Variants in SPAG16 observed in about 807,000 individuals in gnomAD.
SPAG16 encodes the protein sperm associated antigen 16.
Under a neutral mutation model 80.4 loss-of-function variants are expected in SPAG16, and 86 were observed. The observed-to-expected ratio is 1.07, with a 90% CI of 0.90 to 1.28. The LOEUF (loss-of-function observed/expected upper bound fraction) is 1.28. Among genes scored for constraint, SPAG16 ranks in the 50% most tolerant of loss-of-function variants. The probability of loss-of-function intolerance (pLI) is 0.00; values close to 1 mark genes in which losing one functional copy is unlikely to be tolerated. For synonymous variants in SPAG16, 294 were observed against 265.9 expected (o/e 1.11, Z -1.03); for missense variants, 870 against 765.3 (o/e 1.14, Z -1.61).
At chr2:213,486,148 C>T (rs567482542) in intron 9 of SPAG16, among the ~76,000 whole-genome samples, 52 of 152,182 alleles carry the variant, frequency 3.4e-4, no homozygotes, top group Non-Finnish European at 5.7e-4. Flanking sequence ...CCCTACTGAT[C>T]TACAGAACAC....
At chr2:213,949,168 A>AGTTTTTTTTTTTTTTTTTTTTTTT (rs2079599292) in intron 12 of SPAG16, among the ~76,000 whole-genome samples, 1 of 75,196 alleles carries the variant, frequency 1.3e-5, no homozygotes, top group Admixed American at 2.0e-4. Flanking sequence ...TAATTACAAC[A>AGTTTTTTTTTTTTTTTTTTTTTTT]GTTTTTTTTT....
chr2:213,582,641 A>G (rs1339722907), intron 10 of SPAG16, among the ~76,000 whole-genome samples: 1 of 152,142 alleles, frequency 6.6e-6, no homozygotes, highest in Non-Finnish European at 1.5e-5. Flanking sequence ...TGTGCGTAGG[A>G]TGGCATGTTG....
At chr2:213,746,541 C>G (rs909823084) in intron 10 of SPAG16, among the ~76,000 whole-genome samples, 1 of 152,324 alleles carries the variant, frequency 6.6e-6, no homozygotes, top group South Asian at 2.1e-4. Context: ...TGCGGTGGCT[C>G]ATGCCTGTAA....
In SPAG16 at chr2:213,869,253, C is replaced by CAAAAAAAAAAAAAAAAA. The variant is rs1329869756; in HGVS notation, c.1214+6637_1214+6638insAAAAAAAAAAAAAAAAA. 4.8e-5 allele frequency among the ~76,000 whole-genome samples: 4 copies of CAAAAAAAAAAAAAAAAA among 82,808 alleles called. 1 individual carries two copies. The highest frequency in any genetic ancestry group is 7.4e-5 in the Non-Finnish European group (3 of 40,364). 54.3% of individuals were successfully genotyped at this position (82,808 alleles called of 152,430 possible). Reference sequence around the variant, plus strand: ...GGGCAACAAGAGCTAAAGTCCATGTCAAAAAAAAAAAATATATATATATAT... The same window carrying CAAAAAAAAAAAAAAAAA: ...GGGCAACAAGAGCTAAAGTCCATGTCAAAAAAAAAAAAAAAAAAAAAAAAAAAAATATATATATATAT... On this transcript the variant is annotated intron_variant, in intron 11 of 15. Coordinates refer to ENST00000331683, the MANE Select transcript of SPAG16 (RefSeq NM_024532.5).
intron 10 of SPAG16, among the ~76,000 whole-genome samples, chr2:213,491,204 G>GTT (rs1308453026): frequency 2.6e-5 from 4 of 152,202 alleles, no homozygotes; most frequent in African/African-American, 9.6e-5. Context: ...CTATTTCAAT[G>GTT]TAAAACAAGT....
At chr2:213,410,464 C>G (rs2068901435) in intron 9 of SPAG16, among the ~76,000 whole-genome samples, 1 of 152,140 alleles carries the variant, frequency 6.6e-6, no homozygotes, top group South Asian at 2.1e-4. Flanking sequence ...AAATGTCAAC[C>G]AGGAGTCTTG....
At chr2:213,864,997 A>T (rs1469269553) in intron 11 of SPAG16, among the ~76,000 whole-genome samples, 1 of 152,222 alleles carries the variant, frequency 6.6e-6, no homozygotes, top group East Asian at 1.9e-4. Context: ...TATATAAAAC[A>T]AAAAATCTCG....
intron 12 of SPAG16, among the ~76,000 whole-genome samples, chr2:214,009,684 T>C (rs2047193353): frequency 6.6e-6 from 1 of 152,162 alleles, no homozygotes; most frequent in Admixed American, 6.5e-5. Context: ...TACATACATC[T>C]GTACTTGAAA....
At chr2:213,756,438 A>T (rs1359213224) in intron 10 of SPAG16, among the ~76,000 whole-genome samples, 1 of 152,212 alleles carries the variant, frequency 6.6e-6, no homozygotes, top group African/African-American at 2.4e-5. Flanking sequence ...GCATGCAGTG[A>T]GCTGAGATCA....
chr2:213,436,347 C>T (rs547463955), intron 9 of SPAG16, among the ~76,000 whole-genome samples: 1 of 152,240 alleles, frequency 6.6e-6, no homozygotes, highest in East Asian at 1.9e-4. Flanking sequence ...CCTCTGAAAG[C>T]AGTTAAATTT....
At chr2:214,335,386 C>T (rs1697209341) in intron 15 of SPAG16, among the ~76,000 whole-genome samples, 1 of 151,732 alleles carries the variant, frequency 6.6e-6, no homozygotes, top group African/African-American at 2.4e-5. Context: ...AAGGAACTGC[C>T]TAGGTGAATA....
chr2:213,465,867 G>C (rs967546474), intron 9 of SPAG16, among the ~76,000 whole-genome samples: 9 of 152,184 alleles, frequency 5.9e-5, no homozygotes, highest in African/African-American at 2.2e-4. Context: ...GTGTCAACTT[G>C]ATTGGGTTGA....
chr2:213,516,404 T>C (rs370665092), intron 10 of SPAG16, among the ~76,000 whole-genome samples: 1 of 50,966 alleles, frequency 2.0e-5, no homozygotes. Context: ...TATCTTTTTC[T>C]TAAAAAAATG....
intron 12 of SPAG16, among the ~76,000 whole-genome samples, chr2:213,946,035 G>C (rs962028634): frequency 1.1e-4 from 17 of 152,122 alleles, no homozygotes; most frequent in African/African-American, 3.6e-4. Context: ...AGTTGAGCTA[G>C]GTACTTACAT....
intron 15 of SPAG16, among the ~76,000 whole-genome samples, chr2:214,388,491 A>G (rs528221944): frequency 2.6e-5 from 4 of 152,312 alleles, no homozygotes; most frequent in East Asian, 3.9e-4. Flanking sequence ...TATGTTATGT[A>G]TATGTTTTAT....
intron 10 of SPAG16, among the ~76,000 whole-genome samples, chr2:213,819,941 G>GTTT (rs71063785): frequency 8.3e-5 from 11 of 132,114 alleles, no homozygotes; most frequent in South Asian, 2.4e-4. Context: ...AATTTTTCGT[G>GTTT]TTTTTTTTTT....
intron 15 of SPAG16, among the ~76,000 whole-genome samples, chr2:214,349,976 G>C (rs536543931): frequency 3.9e-4 from 59 of 152,250 alleles, no homozygotes; most frequent in African/African-American, 1.4e-3. Context: ...TATGTGTAGT[G>C]CATATTTTTT....
intron 9 of SPAG16, among the ~76,000 whole-genome samples, chr2:213,484,199 C>A (rs981292556): frequency 8.5e-5 from 13 of 152,054 alleles, no homozygotes; most frequent in South Asian, 8.3e-4. Context: ...ACTTTAAAGA[C>A]TAATTAGATA....
At chr2:214,216,803 C>A (rs1022622398) in intron 15 of SPAG16, among the ~76,000 whole-genome samples, 1 of 152,154 alleles carries the variant, frequency 6.6e-6, no homozygotes, top group Non-Finnish European at 1.5e-5. Context: ...TTAAAATTTT[C>A]AATGTTCTGA....
Sources: allele counts gnomAD v4.1 joint callset (sites outside exome capture counted in the v4.1 genomes callset), GRCh38; gene constraint gnomAD v4.1.1; transcripts MANE v1.5; gene names NCBI Gene and HGNC (gene_info 2026-07-23, HGNC 2026-07-21).